The following GALNT10 variants were observed in gnomAD, a reference collection of about 807,000 sequenced individuals.
GALNT10 encodes the protein polypeptide N-acetylgalactosaminyltransferase 10.
A neutral mutation model predicts 75.0 loss-of-function variants in GALNT10; 41 were observed. The ratio of observed to expected loss-of-function variants is 0.55; its 90% CI spans 0.43 to 0.71. GALNT10 has a LOEUF of 0.71. Ranked by LOEUF, GALNT10 falls within the 30% of genes least tolerant of loss-of-function variation. GALNT10 has a pLI of 0.00. For missense variants in GALNT10, 727 were observed against 818.5 expected (o/e 0.89, Z 1.36); for synonymous variants, 302 against 313.0 (o/e 0.96, Z 0.37).
intron 1 of GALNT10, among the ~76,000 whole-genome samples, chr5:154,199,528 A>G (rs569278432): frequency 2.6e-5 from 4 of 152,154 alleles, no homozygotes; most frequent in Non-Finnish European, 5.9e-5. Flanking sequence ...CAGGACAGGG[A>G]TGGGAGGTGC....
intron 4 of GALNT10, among the ~76,000 whole-genome samples, chr5:154,339,701 G>A (rs1156545858): frequency 1.3e-5 from 2 of 152,218 alleles, no homozygotes; most frequent in Admixed American, 6.5e-5. Flanking sequence ...TTCTATTGAC[G>A]TGGGTGAACC....
chr5:154,238,535 G>A (rs928705830), intron 1 of GALNT10, among the ~76,000 whole-genome samples: 19 of 152,064 alleles, frequency 1.2e-4, no homozygotes, highest in African/African-American at 4.6e-4. Context: ...CTCCCCCTGC[G>A]CTTTACCCTG....
Position 154,418,929 on chromosome 5 carries a change from G to T in GALNT10, c.*1957G>T. The T allele has an allele frequency of 6.6e-6, 1 of 152,662 alleles. No homozygotes were observed. The allele number at this position is 152,662 out of a possible 1,614,324, so 9.5% of individuals were successfully genotyped here. On this transcript the variant is annotated 3_prime_UTR_variant, in exon 12 of 12. Transcript: ENST00000297107. ...AACAAGAGTGTTGACAGTTTGAGGA[G>T]TCGAATTGAGATTCATCATCAAAGA... is the stretch of plus-strand genomic sequence containing the variant.
At chr5:154,339,827 A>G (rs1192564308) in intron 4 of GALNT10, among the ~76,000 whole-genome samples, 1 of 152,188 alleles carries the variant, frequency 6.6e-6, no homozygotes, top group East Asian at 1.9e-4. Flanking sequence ...TTCCTTAAAA[A>G]CATAGTGTGG....
In GALNT10 at chr5:154,298,079, A is replaced by C; in HGVS notation, c.401A>C (p.Asn134Thr). 6.2e-7 allele frequency: 1 copy of C among 1,612,592 alleles called. No individual in the cohort carries two copies. Among genetic ancestry groups the C allele is most frequent in the Non-Finnish European group, 8.5e-7 (1 of 1,178,998 alleles). Residue 134 changes from asparagine to threonine, a missense_variant and splice_region_variant, in exon 3 of 12, where the codon AAC (asparagine) becomes ACC (threonine). Coordinates refer to ENST00000297107, the MANE Select transcript of GALNT10 (RefSeq NM_198321.4). This position sits in a 1 kb window ranked among gnomAD's most constrained non-coding sequence, Gnocchi z 4.1. ...NRSLPDIRHP[N>T]CNSKRYLETL... ...TCTCTCCCAGATATCCGGCACCCAA[A>C]GTGAGTGTAACATCTCTCAAATTCT...
intron 1 of GALNT10, among the ~76,000 whole-genome samples, chr5:154,289,397 G>A (rs1438842723): frequency 1.3e-5 from 2 of 152,162 alleles, no homozygotes; most frequent in African/African-American, 4.8e-5. Flanking sequence ...CTTTCCCATT[G>A]ATGAGCATTC....
intron 1 of GALNT10, among the ~76,000 whole-genome samples, chr5:154,293,181 T>C (rs896284145): frequency 2.6e-5 from 4 of 152,182 alleles, no homozygotes; most frequent in African/African-American, 9.7e-5. Context: ...GACGATTTTA[T>C]TCAGGGGGCT....
At chr5:154,277,099 T>G (rs1017421722) in intron 1 of GALNT10, among the ~76,000 whole-genome samples, 2 of 152,008 alleles carry the variant, frequency 1.3e-5, no homozygotes, top group Non-Finnish European at 2.9e-5. Context: ...TACACATCAG[T>G]CGGGTGGTTT....
chr5:154,211,232 G>A (rs1193622899), intron 1 of GALNT10, among the ~76,000 whole-genome samples: 1 of 152,220 alleles, frequency 6.6e-6, no homozygotes, highest in Non-Finnish European at 1.5e-5. Flanking sequence ...TGGTTGGAGG[G>A]TGGCCCTGGG....
chr5:154,381,687 C>G (rs1016537203), intron 6 of GALNT10, among the ~76,000 whole-genome samples: 1 of 152,184 alleles, frequency 6.6e-6, no homozygotes, highest in Non-Finnish European at 1.5e-5. Flanking sequence ...ATCCATTTCC[C>G]TACCTTTCCT....
At chr5:154,256,252 C>T (rs1753608023) in intron 1 of GALNT10, among the ~76,000 whole-genome samples, 1 of 152,040 alleles carries the variant, frequency 6.6e-6, no homozygotes, top group Non-Finnish European at 1.5e-5. Context: ...TGCAGGAATA[C>T]AGGGCTTGGC....
chr5:154,244,745 G>A (rs1175680968), intron 1 of GALNT10, among the ~76,000 whole-genome samples: 6 of 152,226 alleles, frequency 3.9e-5, no homozygotes, highest in African/African-American at 1.4e-4. Context: ...AAAAGCAGGG[G>A]CAGCCACTTC....
intron 4 of GALNT10, among the ~76,000 whole-genome samples, chr5:154,360,801 A>G (rs1755373946): frequency 6.6e-6 from 1 of 152,236 alleles, no homozygotes; most frequent in Non-Finnish European, 1.5e-5. Context: ...TTAATTAAAA[A>G]ACAATACTAT....
chr5:154,374,560 C>T (rs1195934619), intron 4 of GALNT10, among the ~76,000 whole-genome samples: 2 of 152,334 alleles, frequency 1.3e-5, no homozygotes, highest in South Asian at 4.1e-4. Context: ...TCGATCATGG[C>T]TCACTGCAGC....
chr5:154,331,343 TG>T (rs1001774096), intron 4 of GALNT10, among the ~76,000 whole-genome samples: 12 of 152,104 alleles, frequency 7.9e-5, no homozygotes, highest in African/African-American at 2.9e-4. Flanking sequence ...CTGCTGGTGG[TG>T]GGGGTGTGCC....
chr5:154,275,766 T>A (rs1753940224), intron 1 of GALNT10, among the ~76,000 whole-genome samples: 1 of 152,174 alleles, frequency 6.6e-6, no homozygotes, highest in Non-Finnish European at 1.5e-5. Flanking sequence ...CAAGAATGAA[T>A]GTCCCAAGAG....
intron 1 of GALNT10, among the ~76,000 whole-genome samples, chr5:154,268,875 G>A (rs1581947756): frequency 1.3e-5 from 2 of 152,140 alleles, no homozygotes; most frequent in Admixed American, 1.3e-4. Context: ...AGTGGCTCAC[G>A]CCTGTAATCC....
intron 1 of GALNT10, among the ~76,000 whole-genome samples, chr5:154,217,718 G>C (rs76339705): frequency 0.012 from 1,851 of 152,304 alleles, 43 homozygotes; most frequent in African/African-American, 0.041. Context: ...GTCAGCGCAG[G>C]CCCTGCAGTA....
chr5:154,261,831 T>C (rs1402943964), intron 1 of GALNT10, among the ~76,000 whole-genome samples: 1 of 152,222 alleles, frequency 6.6e-6, no homozygotes, highest in Admixed American at 6.5e-5. Flanking sequence ...GATTGTGCCA[T>C]CAGGGTCTAG....
Sources: gnomAD v4.1 joint callset for allele counts (sites outside exome capture counted in the v4.1 genomes callset) on GRCh38, gnomAD v4.1.1 for gene constraint, Gnocchi (gnomAD v3.1) non-coding constraint, MANE v1.5 for transcripts, NCBI Gene and HGNC (gene_info 2026-07-23, HGNC 2026-07-21) for gene names.